Variants in DGKB observed in about 807,000 individuals in gnomAD.
DGKB encodes the protein 90 kDa diacylglycerol kinase.
In DGKB, 67 loss-of-function variants were observed where a neutral mutation model predicts 114.3. That is an observed-to-expected ratio of 0.59 (90% CI 0.48 to 0.72). The LOEUF (loss-of-function observed/expected upper bound fraction) is 0.72, where lower values mean the gene tolerates loss of function less well. Among genes scored for constraint, DGKB ranks in the 30% least tolerant of loss-of-function variants. DGKB has a pLI of 0.00. For missense variants in DGKB, 907 were observed against 975.2 expected (o/e 0.93, Z 0.93); for synonymous variants, 398 against 323.1 (o/e 1.23, Z -2.49).
chr7:14,604,386 AT>A (rs1804095576), intron 17 of DGKB, among the ~76,000 whole-genome samples: 1 of 152,170 alleles, frequency 6.6e-6, no homozygotes, highest in Admixed American at 6.6e-5. Context: ...TTGAAAAAAA[AT>A]AAAGTTGGGA....
chr7:14,952,546 T>TAA (rs147939018), intron 1 of DGKB, among the ~76,000 whole-genome samples: 20,303 of 148,246 alleles, frequency 0.14, 1,433 homozygotes, highest in Admixed American at 0.19. Flanking sequence ...TCCTCAAAAT[T>TAA]AAAAAAAAAA....
intron 1 of DGKB, among the ~76,000 whole-genome samples, chr7:14,967,156 T>A (rs1330353761): frequency 1.3e-5 from 2 of 152,290 alleles, no homozygotes; most frequent in Admixed American, 6.5e-5. Context: ...AGCTGCAGAA[T>A]TTTTTACTTG....
At chr7:14,313,714 C>T (rs956740389) in intron 23 of DGKB, among the ~76,000 whole-genome samples, 41 of 152,158 alleles carry the variant, frequency 2.7e-4, no homozygotes, top group South Asian at 8.3e-4. Context: ...GAGGGGCGCC[C>T]GCCATTGCCC....
chr7:14,841,218 A>G lies in DGKB; in HGVS notation c.46T>C (p.Ser16Pro). The G allele has an allele frequency of 1.2e-6, 2 of 1,613,512 alleles. No homozygotes were observed. Among genetic ancestry groups the G allele is most frequent in the Non-Finnish European group, 1.7e-6 (2 of 1,179,692 alleles). The change falls in exon 2 of 26, where the codon TCC (serine) becomes CCC (proline). Residue 16 changes from serine (S) to proline (P), a missense_variant. This residue lies in a region of DGKB where 814 missense variants were observed against 856.6 expected (regional missense o/e 0.95). Transcript: ENST00000402815. ...CACTCAGCATATTTCTGAAGTTGGGAAAATTCCGAAGGGCTGAGGTGGGCC... is the reference window on the plus strand; with the variant it reads ...CACTCAGCATATTTCTGAAGTTGGGGAAATTCCGAAGGGCTGAGGTGGGCC... ...KWAHLSPSEF[S>P]QLQKYAEYST... is the part of the protein sequence containing the mutation.
intron 21 of DGKB, among the ~76,000 whole-genome samples, chr7:14,427,174 G>A (rs1236586274): frequency 6.6e-6 from 1 of 152,088 alleles, no homozygotes. Flanking sequence ...GTTGATAGGA[G>A]CAGCAAACCA....
chr7:14,778,467 T>A (rs1838558468), intron 2 of DGKB, among the ~76,000 whole-genome samples: 1 of 152,236 alleles, frequency 6.6e-6, no homozygotes. Context: ...AGGCTGCTTA[T>A]TAATCAGATT....
In DGKB at chr7:14,760,705, G is replaced by A. The variant is rs980089884; in HGVS notation, c.71-2974C>T. 1.6e-4 allele frequency among the ~76,000 whole-genome samples: 25 copies of A among 152,020 alleles called. 1 individual carries two copies. The highest frequency in any genetic ancestry group is 1.5e-3 in the Admixed American group (23 of 15,244). On this transcript the variant is annotated intron_variant, in intron 2 of 25. Coordinates refer to ENST00000402815, the MANE Select transcript of DGKB (RefSeq NM_001350709.2). Reference sequence around the variant, plus strand: ...TCTTAGGCCAATGATAAAATGGAAGGCGGAGAAAACAATTTTGGTTTCTCC... The same window carrying A: ...TCTTAGGCCAATGATAAAATGGAAGACGGAGAAAACAATTTTGGTTTCTCC...
chr7:14,689,392 G>A (rs1822411204), intron 9 of DGKB, among the ~76,000 whole-genome samples: 1 of 151,752 alleles, frequency 6.6e-6, no homozygotes, highest in Admixed American at 6.6e-5. Context: ...AGCCAGGATG[G>A]TATCACCTGA....
chr7:14,254,936 C>T (rs377111884), intron 23 of DGKB, among the ~76,000 whole-genome samples: 107 of 152,256 alleles, frequency 7.0e-4, no homozygotes, highest in African/African-American at 2.4e-3. Flanking sequence ...ATGTCCCTAG[C>T]ACTGGGTAGT....
At chr7:14,779,005 A>G (rs1586441129) in intron 2 of DGKB, among the ~76,000 whole-genome samples, 1 of 152,052 alleles carries the variant, frequency 6.6e-6, no homozygotes, top group Non-Finnish European at 1.5e-5. Flanking sequence ...AAACTACACA[A>G]ATTAGCTAGG....
At chr7:14,681,626 C>G (rs535197126) in intron 12 of DGKB, among the ~76,000 whole-genome samples, 4 of 152,006 alleles carry the variant, frequency 2.6e-5, no homozygotes, top group Admixed American at 6.6e-5. Context: ...AATACTCACT[C>G]TAAGCTGGGA....
intron 17 of DGKB, among the ~76,000 whole-genome samples, chr7:14,588,587 T>A (rs933538349): frequency 6.6e-6 from 1 of 152,152 alleles, no homozygotes; most frequent in African/African-American, 2.4e-5. Context: ...CTCTCTTCCT[T>A]TCTTACTCCC....
At chr7:14,852,491 A>AAAAAAAAAAAAAAAAAAAAAC (rs1176182452) in intron 1 of DGKB, among the ~76,000 whole-genome samples, 1 of 149,580 alleles carries the variant, frequency 6.7e-6, no homozygotes. Flanking sequence ...GAAAGTCAAA[A>AAAAAAAAAAAAAAAAAAAAAC]AAAAAACAGA....
Position 14,147,136 on chromosome 7 carries a change from T to G in DGKB, c.*1995A>C, listed in dbSNP as rs1781560857. On this transcript the variant is annotated 3_prime_UTR_variant, in exon 26 of 26. Transcript: ENST00000402815. The stretch of plus-strand genomic sequence containing the variant: ...ACCATAGATACAAAAAATCAATGTG[T>G]GTGTTACGTAACATTATGTCAGTAA... 6.6e-6 allele frequency: 1 copy of G among 152,162 alleles called. No homozygotes were observed. The highest frequency in any genetic ancestry group is 1.5e-5 in the Non-Finnish European group (1 of 68,004). The allele number at this position is 152,162 out of a possible 1,614,324, so 9.4% of individuals were successfully genotyped here. A position where few individuals can be genotyped will look rare whatever the true frequency, so the allele number is the denominator to read the frequency against.
intron 20 of DGKB, among the ~76,000 whole-genome samples, chr7:14,533,294 T>C (rs1274765968): frequency 1.3e-5 from 2 of 151,798 alleles, no homozygotes; most frequent in African/African-American, 4.8e-5. Context: ...GTAGATTCAA[T>C]TAATCAGGTG....
intron 21 of DGKB, among the ~76,000 whole-genome samples, chr7:14,418,374 T>C (rs1256057866): frequency 1.7e-4 from 6 of 34,436 alleles, no homozygotes; most frequent in African/African-American, 8.9e-4. Flanking sequence ...TGTGTGTGTA[T>C]ATATATATAT....
At chr7:14,348,886 T>C (rs1340994054) in intron 21 of DGKB, among the ~76,000 whole-genome samples, 1 of 151,906 alleles carries the variant, frequency 6.6e-6, no homozygotes, top group African/African-American at 2.4e-5. Context: ...TGTATGATTT[T>C]AGAGTAGGCT....
At chr7:14,276,510 G>T (rs1431064262) in intron 23 of DGKB, among the ~76,000 whole-genome samples, 1 of 151,878 alleles carries the variant, frequency 6.6e-6, no homozygotes, top group African/African-American at 2.4e-5. Context: ...GAAAATTTTT[G>T]TTCTGCAATA....
intron 25 of DGKB, 125 bp downstream of exon 25, chr7:14,176,714 A>G: frequency 6.6e-7 from 1 of 1,515,536 alleles, no homozygotes. Context: ...TAACAACAAC[A>G]ACAAAAAGAC....
Sources: gnomAD v4.1 joint callset for allele counts (sites outside exome capture counted in the v4.1 genomes callset) on GRCh38, gnomAD v4.1.1 for gene constraint, gnomAD v4.1.1 regional missense constraint, MANE v1.5 for transcripts, NCBI Gene and HGNC (gene_info 2026-07-23, HGNC 2026-07-21) for gene names.